RPH3A: variants seen among roughly 807,000 people sequenced by gnomAD.
RPH3A encodes rabphilin-3A.
In RPH3A, 48 loss-of-function variants were observed where a neutral mutation model predicts 102.2. The ratio of observed to expected loss-of-function variants is 0.47; its 90% CI spans 0.37 to 0.60. The LOEUF is 0.60. RPH3A is among the 20% of genes least tolerant of loss of function. The pLI is 0.00. For synonymous variants in RPH3A, 310 were observed against 324.3 expected, an observed-to-expected ratio of 0.96 and a Z score of 0.47; for missense variants, 781 against 910.1, an observed-to-expected ratio of 0.86 and a Z score of 1.83.
intron 1 of RPH3A, among the ~76,000 whole-genome samples, chr12:112,701,030 T>C (rs898699172): frequency 6.6e-6 from 1 of 152,204 alleles, no homozygotes; most frequent in Admixed American, 6.6e-5. Context: ...TCTGAACTCA[T>C]GACCTTCCTC....
At chr12:112,770,895 T>A (rs867239658) in intron 1 of RPH3A, among the ~76,000 whole-genome samples, 53 of 152,022 alleles carry the variant, frequency 3.5e-4, no homozygotes, top group Admixed American at 7.2e-4. Context: ...AGTGAATGTG[T>A]TTGTTTGTTG....
At chr12:112,864,410 C>A (rs1353110286) in intron 5 of RPH3A, among the ~76,000 whole-genome samples, 2 of 145,260 alleles carry the variant, frequency 1.4e-5, no homozygotes, top group African/African-American at 2.6e-5. Flanking sequence ...CAGATCGCGC[C>A]ACTGCACTCC....
At position 112,582,752 on chromosome 12, in the gene RPH3A, C is replaced by T. The variant is rs534899382; in HGVS notation, c.-140+7433C>T. On this transcript the variant is annotated intron_variant, in intron 1 of 21. Coordinates refer to the RPH3A transcript ENST00000543106. ...GCTGGGATTACAGGTGTCAGCCTGG[C>T]CACGAACAACATTTTTAATGTGTAT... Among the ~76,000 whole-genome samples, 6 of 152,066 alleles carry T rather than the reference C, an allele frequency of 3.9e-5. No homozygotes were observed. In the South Asian group the frequency reaches 1.3e-3, roughly 32 times the overall value.
At chr12:112,685,719 T>C (rs1208549960) in intron 1 of RPH3A, among the ~76,000 whole-genome samples, 1 of 152,148 alleles carries the variant, frequency 6.6e-6, no homozygotes, top group Non-Finnish European at 1.5e-5. Context: ...CAGTTGTCTA[T>C]GCCAGCAGCC....
chr12:112,649,252 A>G (rs1284442929), intron 1 of RPH3A, among the ~76,000 whole-genome samples: 1 of 152,250 alleles, frequency 6.6e-6, no homozygotes, highest in Admixed American at 6.5e-5. Context: ...GTGTCCATTC[A>G]TCTTGGAGAG....
At chr12:112,830,027 TG>T (rs2041942920) in intron 3 of RPH3A, among the ~76,000 whole-genome samples, 3 of 152,332 alleles carry the variant, frequency 2.0e-5, no homozygotes, top group Admixed American at 2.0e-4. Context: ...TGTCATTTAC[TG>T]TCTGATTAAT....
intron 10 of RPH3A, among the ~76,000 whole-genome samples, chr12:112,871,550 T>C (rs1490623350): frequency 1.3e-5 from 2 of 152,172 alleles, no homozygotes; most frequent in Admixed American, 6.5e-5. Flanking sequence ...CCCATTATGC[T>C]GGAGGTTGCA....
chr12:112,864,984 G>T (rs1363788383), intron 5 of RPH3A, among the ~76,000 whole-genome samples: 2 of 152,198 alleles, frequency 1.3e-5, no homozygotes, highest in Non-Finnish European at 2.9e-5. Flanking sequence ...AAGCAGGTTT[G>T]CTAGAGCTGG....
chr12:112,858,966 G>T (rs1483745414), intron 5 of RPH3A, among the ~76,000 whole-genome samples: 1 of 152,216 alleles, frequency 6.6e-6, no homozygotes, highest in Non-Finnish European at 1.5e-5. Context: ...AGGATGTCAG[G>T]TGTGAGTCGT....
intron 1 of RPH3A, among the ~76,000 whole-genome samples, chr12:112,677,184 T>C (rs2040181273): frequency 6.6e-6 from 1 of 152,186 alleles, no homozygotes; most frequent in South Asian, 2.1e-4. Flanking sequence ...CAAAGCCCTC[T>C]TGTGGAACAG....
chr12:112,780,739 C>T (rs1176302044), intron 1 of RPH3A, among the ~76,000 whole-genome samples: 1 of 152,164 alleles, frequency 6.6e-6, no homozygotes, highest in Non-Finnish European at 1.5e-5. Context: ...TGTCTCAGAA[C>T]CTCTGCTTCC....
At chr12:112,859,536 G>A (rs182555003) in intron 5 of RPH3A, among the ~76,000 whole-genome samples, 29 of 152,260 alleles carry the variant, frequency 1.9e-4, no homozygotes, top group Admixed American at 3.9e-4. Flanking sequence ...CCTTCCTGAT[G>A]TATATATACA....
intron 1 of RPH3A, among the ~76,000 whole-genome samples, chr12:112,710,665 C>G (rs1172141507): frequency 6.6e-6 from 1 of 152,162 alleles, no homozygotes; most frequent in African/African-American, 2.4e-5. Flanking sequence ...GCTTAACATA[C>G]AGAAGAGAAA....
intron 1 of RPH3A, among the ~76,000 whole-genome samples, chr12:112,722,186 T>C (rs538809755): frequency 6.6e-6 from 1 of 152,328 alleles, no homozygotes; most frequent in Non-Finnish European, 1.5e-5. Flanking sequence ...TTTTTATGGC[T>C]AGCTCTCCTA....
intron 1 of RPH3A, among the ~76,000 whole-genome samples, chr12:112,739,398 T>G (rs1196476101): frequency 6.6e-6 from 1 of 152,160 alleles, no homozygotes; most frequent in South Asian, 2.1e-4. Flanking sequence ...GTCATTTGCT[T>G]AAAATCACAC....
chr12:112,728,055 C>T lies in RPH3A; in HGVS notation c.-139-64088C>T, dbSNP rs77746480. The stretch of plus-strand genomic sequence containing the variant: ...AAAGGCACCAGTTTTCTCCTTCATA[C>T]TCATGTTCAAGGGGGAAAGCTTGAT... On this transcript the variant is annotated intron_variant, in intron 1 of 21. Coordinates refer to the RPH3A transcript ENST00000543106. Among the ~76,000 whole-genome samples, 128 of 152,316 alleles carry T rather than the reference C, an allele frequency of 8.4e-4. No individual in the cohort carries two copies. The East Asian group carries it at 0.022, about 26-fold the overall frequency.
Position 112,687,685 on chromosome 12 carries a change from A to G in RPH3A, c.-139-104458A>G, listed in dbSNP as rs144611024. Among the ~76,000 whole-genome samples the G allele has an allele frequency of 5.2e-3, 798 of 152,328 alleles. 2 individuals are homozygous for G. The highest frequency in any genetic ancestry group is 8.8e-3 in the Non-Finnish European group (601 of 68,028). ...GTCCATTCCCTGCTCCTGCTGCCAG[A>G]TTGTGGATGCCATTGCTTCTGAAAC... On this transcript the variant is annotated intron_variant, in intron 1 of 21. Transcript: ENST00000543106.
At chr12:112,723,740 T>C (rs1441219914) in intron 1 of RPH3A, among the ~76,000 whole-genome samples, 1 of 152,262 alleles carries the variant, frequency 6.6e-6, no homozygotes, top group Non-Finnish European at 1.5e-5. Context: ...CATGGCGTTT[T>C]AGGTGGATAC....
chr12:112,686,375 T>C (rs954211491), intron 1 of RPH3A, among the ~76,000 whole-genome samples: 3 of 152,210 alleles, frequency 2.0e-5, no homozygotes, highest in Non-Finnish European at 4.4e-5. Flanking sequence ...ACCAGTAGAC[T>C]GAAGTCTATT....
Sources: gnomAD v4.1 joint callset for allele counts (sites outside exome capture counted in the v4.1 genomes callset) on GRCh38, gnomAD v4.1.1 for gene constraint, MANE v1.5 for transcripts, NCBI Gene and HGNC (gene_info 2026-07-23, HGNC 2026-07-21) for gene names.